The following NUBPL variants were observed in gnomAD, a reference collection of about 807,000 sequenced individuals.
NUBPL encodes NUBP iron-sulfur cluster assembly factor, mitochondrial, also known as iron-sulfur cluster transfer protein NUBPL.
Under a neutral mutation model 45.7 loss-of-function variants are expected in NUBPL, and 31 were observed. The observed-to-expected ratio is 0.68, with a 90% CI of 0.51 to 0.92. NUBPL has a LOEUF of 0.92. NUBPL is among the 40% of genes least tolerant of loss of function. The probability of loss-of-function intolerance (pLI) is 0.00; values close to 1 mark genes in which losing one functional copy is unlikely to be tolerated. For synonymous variants in NUBPL, 144 were observed against 140.9 expected (o/e 1.02, Z -0.15); for missense variants, 401 against 398.7 (o/e 1.01, Z -0.05).
chr14:31,812,129 C>G (rs2039817947), intron 7 of NUBPL, among the ~76,000 whole-genome samples: 1 of 152,198 alleles, frequency 6.6e-6, no homozygotes, highest in African/African-American at 2.4e-5. Context: ...TCTGTCTGTT[C>G]TCAGAGTTCA....
chr14:31,588,330 T>C (rs1181966013), intron 3 of NUBPL, among the ~76,000 whole-genome samples: 2 of 152,256 alleles, frequency 1.3e-5, no homozygotes, highest in Non-Finnish European at 2.9e-5. Flanking sequence ...ACTGTGTGCA[T>C]GCACTACTGT....
chr14:31,688,180 T>C (rs1454605249), intron 6 of NUBPL, among the ~76,000 whole-genome samples: 1 of 152,158 alleles, frequency 6.6e-6, no homozygotes, highest in Non-Finnish European at 1.5e-5. Context: ...CAAAGTATGG[T>C]TTGATAATTT....
chr14:31,578,107 A>G (rs1225716170), intron 3 of NUBPL: 2 of 577,686 alleles, frequency 3.5e-6, no homozygotes, highest in Non-Finnish European at 5.9e-6. Flanking sequence ...AAATGTCCAT[A>G]ATATTACCAA....
intron 7 of NUBPL, among the ~76,000 whole-genome samples, chr14:31,815,960 C>T (rs575757269): frequency 6.6e-6 from 1 of 152,238 alleles, no homozygotes; most frequent in Admixed American, 6.5e-5. Context: ...AGGATTTTTG[C>T]ATTGATGTTC....
rs758333166 is a variant in NUBPL, at chr14:31,691,485, T to C, written c.513+17911T>C. ...TGAGGGGATCAGTATTTCTAAGCTCTGTGTTGTTCAAAGGTCAATTGTACT... is the reference window on the plus strand; with the variant it reads ...TGAGGGGATCAGTATTTCTAAGCTCCGTGTTGTTCAAAGGTCAATTGTACT... On this transcript the variant is annotated intron_variant, in intron 6 of 10. Coordinates refer to ENST00000281081, the MANE Select transcript of NUBPL (RefSeq NM_025152.3). Among the ~76,000 whole-genome samples, 157 of 152,308 alleles carry C rather than the reference T, an allele frequency of 1.0e-3. 1 individual carries two copies. Among genetic ancestry groups the C allele is most frequent in the Non-Finnish European group, 1.6e-3 (111 of 68,028 alleles).
At chr14:31,846,316 G>C (rs1465911737) in intron 8 of NUBPL, 155 bp from the exon 9 acceptor site, 2 of 668,610 alleles carry the variant, frequency 3.0e-6, no homozygotes, top group Non-Finnish European at 5.4e-6. Context: ...ACTAGCTCAT[G>C]AGTTCCTTCA....
chr14:31,758,002 T>A (rs1014693610), intron 6 of NUBPL, among the ~76,000 whole-genome samples: 1 of 152,158 alleles, frequency 6.6e-6, no homozygotes, highest in Non-Finnish European at 1.5e-5. Context: ...AGTGTTTATT[T>A]CTCGATATAC....
intron 4 of NUBPL, among the ~76,000 whole-genome samples, chr14:31,602,811 A>T: frequency 6.6e-6 from 1 of 152,176 alleles, no homozygotes; most frequent in Non-Finnish European, 1.5e-5. Context: ...TTCAGAAAAG[A>T]TGAAAATTAT....
intron 3 of NUBPL, among the ~76,000 whole-genome samples, chr14:31,592,672 T>G (rs2034173388): frequency 6.6e-6 from 1 of 152,220 alleles, no homozygotes. Context: ...CTGTAGATTA[T>G]TATTATTATG....
At chr14:31,635,722 G>A (rs1223858768) in intron 4 of NUBPL, among the ~76,000 whole-genome samples, 1 of 150,028 alleles carries the variant, frequency 6.7e-6, no homozygotes, top group Non-Finnish European at 1.5e-5. Flanking sequence ...CTACCCATGA[G>A]CATGGAATGT....
At chr14:31,636,230 T>C (rs2035493668) in intron 4 of NUBPL, among the ~76,000 whole-genome samples, 1 of 152,050 alleles carries the variant, frequency 6.6e-6, no homozygotes, top group East Asian at 1.9e-4. Flanking sequence ...TGTGGGTTTG[T>C]CATAGATAGC....
intron 10 of NUBPL, among the ~76,000 whole-genome samples, chr14:31,851,165 A>G (rs2040532191): frequency 6.6e-6 from 1 of 151,998 alleles, no homozygotes; most frequent in African/African-American, 2.4e-5. Context: ...AAACTGAATC[A>G]TCATCTGGCA....
At chr14:31,623,733 A>G (rs1410811603) in intron 4 of NUBPL, among the ~76,000 whole-genome samples, 1 of 152,160 alleles carries the variant, frequency 6.6e-6, no homozygotes, top group African/African-American at 2.4e-5. Flanking sequence ...GTAGTTCTTT[A>G]TAGTAGTATG....
chr14:31,762,151 G>A (rs2038824557), intron 6 of NUBPL, among the ~76,000 whole-genome samples: 1 of 152,156 alleles, frequency 6.6e-6, no homozygotes, highest in Admixed American at 6.5e-5. Flanking sequence ...TAAAATATAA[G>A]GTGAAAGTAT....
chr14:31,592,529 CAATG>C (rs1464877905), intron 3 of NUBPL, among the ~76,000 whole-genome samples: 2 of 151,932 alleles, frequency 1.3e-5, no homozygotes, highest in Non-Finnish European at 2.9e-5. Context: ...TTCAGATAAA[CAATG>C]AATAATTTTT....
At chr14:31,637,169 A>G (rs2035528881) in intron 4 of NUBPL, among the ~76,000 whole-genome samples, 1 of 151,750 alleles carries the variant, frequency 6.6e-6, no homozygotes, top group Non-Finnish European at 1.5e-5. Flanking sequence ...TAGTTCTTTT[A>G]ATTGTGATGT....
chr14:31,719,957 T>C (rs1429347519), intron 6 of NUBPL, among the ~76,000 whole-genome samples: 1 of 152,176 alleles, frequency 6.6e-6, no homozygotes, highest in Non-Finnish European at 1.5e-5. Flanking sequence ...GTATGCCATC[T>C]TGACTGATTT....
In NUBPL at chr14:31,857,157, C is replaced by T. The variant is rs140977735; in HGVS notation, c.898-1961C>T. On this transcript the variant is annotated intron_variant, in intron 10 of 10. Coordinates refer to ENST00000281081, the MANE Select transcript of NUBPL (RefSeq NM_025152.3). ...TCAATTCTTGATTTCTGTGCACCCA[C>T]AAGCTCAACACCATGTGGAAGCTGC... Among the ~76,000 whole-genome samples, 417 of 152,324 alleles carry T rather than the reference C, an allele frequency of 2.7e-3. 1 individual carries two copies. Among genetic ancestry groups the T allele is most frequent in the African/African-American group, 8.8e-3 (366 of 41,562 alleles).
intron 3 of NUBPL, among the ~76,000 whole-genome samples, chr14:31,587,528 C>G (rs1263044903): frequency 6.6e-6 from 1 of 152,114 alleles, no homozygotes; most frequent in African/African-American, 2.4e-5. Flanking sequence ...CATAGAAACA[C>G]AAATTTCTGT....
Sources: allele counts gnomAD v4.1 joint callset (sites outside exome capture counted in the v4.1 genomes callset), GRCh38; gene constraint gnomAD v4.1.1; transcripts MANE v1.5; gene names NCBI Gene and HGNC (gene_info 2026-07-23, HGNC 2026-07-21).